The following PARN variants were observed in gnomAD, a reference collection of about 807,000 sequenced individuals.
PARN encodes poly(A)-specific ribonuclease PARN.
A neutral mutation model predicts 102.8 loss-of-function variants in PARN; 71 were observed. The observed-to-expected ratio is 0.69, with a 90% CI of 0.57 to 0.84. The LOEUF is 0.84. Among genes scored for constraint, PARN ranks in the 40% least tolerant of loss-of-function variants. The probability of loss-of-function intolerance (pLI) is 0.00; values close to 1 mark genes in which losing one functional copy is unlikely to be tolerated. For missense variants in PARN, 782 were observed against 760.9 expected, an observed-to-expected ratio of 1.03 and a Z score of -0.33; for synonymous variants, 261 against 252.9, an observed-to-expected ratio of 1.03 and a Z score of -0.30.
chr16:14,439,054 A>C (rs1032765516), intron 23 of PARN, among the ~76,000 whole-genome samples: 4 of 152,156 alleles, frequency 2.6e-5, no homozygotes, highest in African/African-American at 4.8e-5. Context: ...GAGTGTAAGG[A>C]ATCATTTAGG....
rs1567278518 is a variant in PARN, at chr16:14,436,772, C to T, written c.1865G>A (p.Gly622Glu). The change falls in exon 24 of 24, where the codon GGA becomes GAA. Residue 622 changes from glycine (G) to glutamate (E), a missense_variant and splice_region_variant. Transcript: ENST00000437198. ...KRMKKELSPA[G>E]SISKNSPATL... ...GGCAGGGCTGTTCTTCGAGATGCTT[C>T]CTGGTGGGAAAGAACAAAACAATAT... 2 of 1,585,480 alleles carry T rather than the reference C, an allele frequency of 1.3e-6. No homozygotes were observed. The highest frequency in any genetic ancestry group is 1.7e-6 in the Non-Finnish European group (2 of 1,165,420).
At chr16:14,486,945 C>T (rs1963736875) in intron 21 of PARN, among the ~76,000 whole-genome samples, 1 of 152,254 alleles carries the variant, frequency 6.6e-6, no homozygotes, top group Non-Finnish European at 1.5e-5. Flanking sequence ...TGCTAAGAGT[C>T]CTCCCTGTTT....
At chr16:14,542,066 G>A (rs554652330) in intron 21 of PARN, among the ~76,000 whole-genome samples, 38 of 151,628 alleles carry the variant, frequency 2.5e-4, no homozygotes, top group Admixed American at 1.1e-3. Flanking sequence ...GTGCAGTGGC[G>A]TGATATTGGT....
At chr16:14,439,970 G>A (rs964565546) in intron 23 of PARN, among the ~76,000 whole-genome samples, 7 of 152,082 alleles carry the variant, frequency 4.6e-5, no homozygotes, top group Non-Finnish European at 8.8e-5. Context: ...AGCCGAAATC[G>A]TGCCACTGCA....
intron 9 of PARN, among the ~76,000 whole-genome samples, chr16:14,607,259 A>C (rs1048638221): frequency 6.6e-6 from 1 of 151,950 alleles, no homozygotes; most frequent in Non-Finnish European, 1.5e-5. Context: ...CTCAGGCTGG[A>C]GTGCCAAGCC....
At chr16:14,593,794 C>T (rs1172976367) in intron 12 of PARN, among the ~76,000 whole-genome samples, 3 of 151,926 alleles carry the variant, frequency 2.0e-5, no homozygotes, top group Admixed American at 2.0e-4. Context: ...GTCAGTAGTT[C>T]GAGACCAGCC....
chr16:14,530,708 C>T (rs1966277706), intron 21 of PARN, among the ~76,000 whole-genome samples: 1 of 152,164 alleles, frequency 6.6e-6, no homozygotes, highest in Non-Finnish European at 1.5e-5. Context: ...TCGTTCATCA[C>T]TCTGTTGGGT....
intron 13 of PARN, among the ~76,000 whole-genome samples, chr16:14,591,712 A>C (rs1970205132): frequency 6.6e-6 from 1 of 152,118 alleles, no homozygotes; most frequent in African/African-American, 2.4e-5. Context: ...TGCTAAACTC[A>C]AAGATGAGAA....
In PARN at chr16:14,571,948, T is replaced by C. The variant is rs538084651; in HGVS notation, c.1262+8926A>G. On this transcript the variant is annotated intron_variant, in intron 18 of 23. Transcript: ENST00000437198. Reference sequence around the variant, plus strand: ...GAAATCAATCAAACGGCTTTTTAAATATTTAAATTCAAATGGAAATGAATC... The same window carrying C: ...GAAATCAATCAAACGGCTTTTTAAACATTTAAATTCAAATGGAAATGAATC... 5.3e-5 allele frequency among the ~76,000 whole-genome samples: 8 copies of C among 152,322 alleles called. No individual in the cohort carries two copies. The South Asian group carries it at 1.0e-3, about 20-fold the overall frequency.
At chr16:14,619,328 G>C (rs1382973412) in intron 5 of PARN, among the ~76,000 whole-genome samples, 1 of 152,082 alleles carries the variant, frequency 6.6e-6, no homozygotes, top group Non-Finnish European at 1.5e-5. Flanking sequence ...GGCTGGACAT[G>C]GTGGCTCACA....
chr16:14,446,563 CGCACATTTAAAT>C (rs1961207319), intron 23 of PARN, among the ~76,000 whole-genome samples: 1 of 152,104 alleles, frequency 6.6e-6, no homozygotes, highest in Admixed American at 6.5e-5. Context: ...GGGGCCTCTG[CGCACATTTAAAT>C]GCACATTTTA....
At chr16:14,497,878 C>A (rs1964396068) in intron 21 of PARN, among the ~76,000 whole-genome samples, 1 of 152,144 alleles carries the variant, frequency 6.6e-6, no homozygotes, top group Non-Finnish European at 1.5e-5. Context: ...AACCCCAGTA[C>A]TTTGGGAGGC....
chr16:14,611,894 T>C (rs1327453343), intron 6 of PARN, among the ~76,000 whole-genome samples: 1 of 151,930 alleles, frequency 6.6e-6, no homozygotes, highest in Admixed American at 6.6e-5. Context: ...TTGTGGGCAA[T>C]GGGGGTCTCT....
chr16:14,572,381 G>C (rs1968867702), intron 18 of PARN, among the ~76,000 whole-genome samples: 1 of 151,980 alleles, frequency 6.6e-6, no homozygotes, highest in Non-Finnish European at 1.5e-5. Flanking sequence ...GTTGACACTG[G>C]GAAGAAATCT....
chr16:14,460,327 T>C (rs757358591), intron 22 of PARN, among the ~76,000 whole-genome samples: 3 of 151,972 alleles, frequency 2.0e-5, no homozygotes, highest in Non-Finnish European at 4.4e-5. Flanking sequence ...AACAGACCAA[T>C]ATACAGACAG....
At chr16:14,521,190 A>G (rs192662358) in intron 21 of PARN, among the ~76,000 whole-genome samples, 7 of 152,322 alleles carry the variant, frequency 4.6e-5, no homozygotes, top group Admixed American at 2.0e-4. Flanking sequence ...TTTCTTTTTC[A>G]TAAGAAAAAC....
chr16:14,614,862 AAAAAAAAAAAAAAAAAG>A (rs1779725957), intron 6 of PARN, among the ~76,000 whole-genome samples: 1 of 141,184 alleles, frequency 7.1e-6, no homozygotes, highest in African/African-American at 2.6e-5. Flanking sequence ...AAAAAAAAAA[AAAAAAAAAAAAAAAAAG>A]AAAAGAAAAG....
At chr16:14,451,074 C>T (rs1380196173) in intron 22 of PARN, among the ~76,000 whole-genome samples, 1 of 152,214 alleles carries the variant, frequency 6.6e-6, no homozygotes, top group Non-Finnish European at 1.5e-5. Context: ...GCCTATCTTT[C>T]ACTAGGCAGC....
chr16:14,586,413 T>C (rs1344922656), intron 13 of PARN, 52 bp from the exon 14 acceptor site: 3 of 1,079,624 alleles, frequency 2.8e-6, no homozygotes, highest in Non-Finnish European at 1.4e-6. Context: ...ACTCGCAGTA[T>C]TAAAAAACAT....
Sources: gnomAD v4.1 joint callset for allele counts (sites outside exome capture counted in the v4.1 genomes callset) on GRCh38, gnomAD v4.1.1 for gene constraint, MANE v1.5 for transcripts, NCBI Gene and HGNC (gene_info 2026-07-23, HGNC 2026-07-21) for gene names.